OSBPL10: variants seen among roughly 807,000 people sequenced by gnomAD.
The protein encoded by OSBPL10 is oxysterol-binding protein-related protein 10.
Under a neutral mutation model 81.7 loss-of-function variants are expected in OSBPL10, and 49 were observed. The observed-to-expected ratio is 0.60, with a 90% CI of 0.48 to 0.76. The LOEUF (loss-of-function observed/expected upper bound fraction) is 0.76, where lower values mean the gene tolerates loss of function less well. OSBPL10 is among the 30% of genes least tolerant of loss of function. The pLI is 0.00. For synonymous variants in OSBPL10, 419 were observed against 383.6 expected (o/e 1.09, Z -1.08); for missense variants, 923 against 987.8 (o/e 0.93, Z 0.88).
intron 7 of OSBPL10, among the ~76,000 whole-genome samples, chr3:31,696,434 AC>A (rs1419269635): frequency 1.3e-5 from 2 of 152,202 alleles, no homozygotes; most frequent in Non-Finnish European, 2.9e-5. Flanking sequence ...CCGTCTTTAT[AC>A]CACATTTTTT....
intron 7 of OSBPL10, 140 bp from the exon 8 acceptor site, chr3:31,684,254 C>T (rs12488137): frequency 3.6e-6 from 4 of 1,112,558 alleles, no homozygotes; most frequent in Admixed American, 5.5e-5. Flanking sequence ...CTTGTGCACA[C>T]ATGACAAACC....
In OSBPL10 at chr3:31,980,155, G is replaced by T. The variant is rs552612195; in HGVS notation, c.281+744C>A. The stretch of plus-strand genomic sequence containing the variant: ...GAGTAGCTGGAATTACAGGCGCGCC[G>T]CCACGCCCGGCTAATTTTTTTTGTT... On this transcript the variant is annotated intron_variant, in intron 1 of 11. Coordinates refer to ENST00000396556, the MANE Select transcript of OSBPL10 (RefSeq NM_017784.5). 3.5e-3 allele frequency among the ~76,000 whole-genome samples: 530 copies of T among 151,816 alleles called. 1 individual carries two copies. The highest frequency in any genetic ancestry group is 5.3e-3 in the Non-Finnish European group (360 of 67,906).
chr3:31,691,975 C>T (rs918428250), intron 7 of OSBPL10, among the ~76,000 whole-genome samples: 3 of 152,192 alleles, frequency 2.0e-5, no homozygotes, highest in Non-Finnish European at 2.9e-5. Flanking sequence ...CCCTAGGTTT[C>T]CTTAACCTGC....
intron 2 of OSBPL10, among the ~76,000 whole-genome samples, chr3:32,014,830 G>C (rs112245549): frequency 0.081 from 12,305 of 152,142 alleles, 1,324 homozygotes; most frequent in African/African-American, 0.25. Flanking sequence ...AATCATGAGT[G>C]AACTCCCATT....
chr3:31,921,580 A>AT (rs1696916981), intron 1 of OSBPL10, among the ~76,000 whole-genome samples: 1 of 152,234 alleles, frequency 6.6e-6, no homozygotes, highest in Admixed American at 6.5e-5. Flanking sequence ...TAAAAAATAA[A>AT]TATGCATGAT....
chr3:31,845,613 T>C (rs1700609448), intron 3 of OSBPL10, among the ~76,000 whole-genome samples: 1 of 152,164 alleles, frequency 6.6e-6, no homozygotes, highest in African/African-American at 2.4e-5. Flanking sequence ...CAGAATCCAG[T>C]AAGAAGCGGT....
chr3:31,890,887 G>A (rs1308521261), intron 1 of OSBPL10, among the ~76,000 whole-genome samples: 3 of 152,052 alleles, frequency 2.0e-5, no homozygotes, highest in South Asian at 2.1e-4. Flanking sequence ...CCTGATTCAC[G>A]TCTCTGCTTT....
intron 1 of OSBPL10, among the ~76,000 whole-genome samples, chr3:31,933,262 C>T (rs1056214244): frequency 2.0e-5 from 3 of 152,096 alleles, no homozygotes; most frequent in Non-Finnish European, 1.5e-5. Flanking sequence ...AGTAATGAGG[C>T]CTTCGGTAAG....
chr3:32,017,382 C>A (rs1699322163), intron 2 of OSBPL10, among the ~76,000 whole-genome samples: 1 of 152,258 alleles, frequency 6.6e-6, no homozygotes. Context: ...TTTTACTCTA[C>A]CAAGTAGTTT....
At chr3:31,838,954 CA>C (rs1700430361) in intron 3 of OSBPL10, among the ~76,000 whole-genome samples, 1 of 152,166 alleles carries the variant, frequency 6.6e-6, no homozygotes, top group African/African-American at 2.4e-5. Flanking sequence ...GTGCATTACT[CA>C]GGAATCATCT....
intron 3 of OSBPL10, among the ~76,000 whole-genome samples, chr3:31,854,999 T>C (rs1294546343): frequency 6.6e-6 from 1 of 151,878 alleles, no homozygotes; most frequent in African/African-American, 2.4e-5. Flanking sequence ...CATTTGGTTG[T>C]CATGGTTTTG....
chr3:31,971,286 G>A lies in OSBPL10; in HGVS notation c.281+9613C>T, dbSNP rs565343105. ...CTCCCAAGTAGCTGGGATTACGGGCGCATGCCACCATGCCCGCTAATTGTT... is the reference window on the plus strand; with the variant it reads ...CTCCCAAGTAGCTGGGATTACGGGCACATGCCACCATGCCCGCTAATTGTT... On this transcript the variant is annotated intron_variant, in intron 1 of 11. Transcript: ENST00000396556. Among the ~76,000 whole-genome samples, 458 of 152,016 alleles carry A rather than the reference G, an allele frequency of 3.0e-3. 3 individuals are homozygous for A. Among genetic ancestry groups the A allele is most frequent in the African/African-American group, 0.01 (435 of 41,480 alleles).
intron 2 of OSBPL10, among the ~76,000 whole-genome samples, chr3:32,022,956 T>C (rs62244411): frequency 0.067 from 10,186 of 152,110 alleles, 732 homozygotes; most frequent in East Asian, 0.39. Flanking sequence ...ATATTTGACA[T>C]CTGTGTGCCA....
chr3:31,668,287 G>GA (rs1351537960), intron 10 of OSBPL10, among the ~76,000 whole-genome samples: 5 of 151,864 alleles, frequency 3.3e-5, no homozygotes, highest in Non-Finnish European at 4.4e-5. Flanking sequence ...AATCTGGCAA[G>GA]AAAAAAATAG....
chr3:31,856,629 C>T (rs1700918504), intron 3 of OSBPL10, among the ~76,000 whole-genome samples: 1 of 152,208 alleles, frequency 6.6e-6, no homozygotes, highest in Non-Finnish European at 1.5e-5. Context: ...CACTTTATAC[C>T]TTCAGTCTCA....
intron 5 of OSBPL10, 102 bp from the exon 6 acceptor site, chr3:31,733,513 G>C: frequency 7.0e-7 from 1 of 1,436,566 alleles, no homozygotes; most frequent in Non-Finnish European, 9.8e-7. Context: ...ACTTGAAAAG[G>C]GCATGAGGTA....
At chr3:31,954,705 T>C (rs948113134) in intron 1 of OSBPL10, among the ~76,000 whole-genome samples, 1 of 152,190 alleles carries the variant, frequency 6.6e-6, no homozygotes, top group Admixed American at 6.5e-5. Context: ...ATGCATGCAG[T>C]TGTCAAAACT....
At chr3:31,674,061 A>T (rs1291917427) in intron 8 of OSBPL10, among the ~76,000 whole-genome samples, 1 of 151,944 alleles carries the variant, frequency 6.6e-6, no homozygotes, top group East Asian at 1.9e-4. Context: ...GACTAAACAA[A>T]CTCCTGTATA....
intron 1 of OSBPL10, among the ~76,000 whole-genome samples, chr3:31,962,105 C>A (rs1030197125): frequency 7.2e-5 from 11 of 152,050 alleles, no homozygotes; most frequent in African/African-American, 2.7e-4. Context: ...CAGATGCCCA[C>A]CACCACGCCC....
Sources: gnomAD v4.1 joint callset for allele counts (sites outside exome capture counted in the v4.1 genomes callset) on GRCh38, gnomAD v4.1.1 for gene constraint, MANE v1.5 for transcripts, NCBI Gene and HGNC (gene_info 2026-07-23, HGNC 2026-07-21) for gene names.